OPCML: variants seen among roughly 807,000 people sequenced by gnomAD.
The protein encoded by OPCML is opioid binding protein/cell adhesion molecule like.
A neutral mutation model predicts 37.8 loss-of-function variants in OPCML; 13 were observed. That is an observed-to-expected ratio of 0.34 (90% CI 0.22 to 0.55). OPCML has a LOEUF of 0.55. OPCML is among the 20% of genes least tolerant of loss of function. The pLI is 0.91. For missense variants in OPCML, 341 were observed against 435.6 expected, an observed-to-expected ratio of 0.78 and a Z score of 1.93; for synonymous variants, 176 against 168.8, an observed-to-expected ratio of 1.04 and a Z score of -0.33.
At chr11:133,059,621 A>G (rs1948303263) in intron 1 of OPCML, among the ~76,000 whole-genome samples, 1 of 152,232 alleles carries the variant, frequency 6.6e-6, no homozygotes. Flanking sequence ...AATCTTGAGT[A>G]CACATTTTTA....
chr11:133,092,757 G>A (rs1173140136), intron 1 of OPCML, among the ~76,000 whole-genome samples: 1 of 152,048 alleles, frequency 6.6e-6, no homozygotes, highest in Non-Finnish European at 1.5e-5. Context: ...CTCAAGAGCT[G>A]TTAATTATCT....
rs141791239 is a variant in OPCML, at chr11:133,087,466, G to A, written c.62-144456C>T. On this transcript the variant is annotated intron_variant, in intron 1 of 7. Coordinates refer to ENST00000524381, the MANE Select transcript of OPCML (RefSeq NM_001012393.5). ...CCATCCCCCTTCTAGAAGTCCCCAGGGTCTACTGTTCCCATCTTTATGTCC... is the reference window on the plus strand; with the variant it reads ...CCATCCCCCTTCTAGAAGTCCCCAGAGTCTACTGTTCCCATCTTTATGTCC... Among the ~76,000 whole-genome samples the A allele has an allele frequency of 3.5e-3, 536 of 151,852 alleles. 2 individuals are homozygous for A. The highest frequency in any genetic ancestry group is 0.013 in the African/African-American group (519 of 41,396).
chr11:132,900,261 A>G (rs1944004311), intron 2 of OPCML, among the ~76,000 whole-genome samples: 1 of 152,146 alleles, frequency 6.6e-6, no homozygotes, highest in Non-Finnish European at 1.5e-5. Flanking sequence ...CCAGCCATTC[A>G]ATTAGGCCAG....
intron 2 of OPCML, among the ~76,000 whole-genome samples, chr11:132,886,742 A>G (rs1434578312): frequency 6.6e-6 from 1 of 152,164 alleles, no homozygotes; most frequent in Non-Finnish European, 1.5e-5. Context: ...CTGGTAGAAG[A>G]CCGAAGAGTG....
intron 1 of OPCML, chr11:133,024,441 G>A (rs1265146024): frequency 3.0e-6 from 3 of 984,476 alleles, no homozygotes; most frequent in African/African-American, 3.5e-5. Flanking sequence ...AGCACACACA[G>A]GAAGAAGAGA....
intron 1 of OPCML, among the ~76,000 whole-genome samples, chr11:133,430,603 A>C (rs1418644010): frequency 6.6e-6 from 1 of 152,196 alleles, no homozygotes; most frequent in African/African-American, 2.4e-5. Flanking sequence ...CATAAAATAA[A>C]AGTCATACAT....
At chr11:132,571,666 C>T (rs1047017334) in intron 3 of OPCML, among the ~76,000 whole-genome samples, 13 of 152,174 alleles carry the variant, frequency 8.5e-5, no homozygotes, top group Non-Finnish European at 1.8e-4. Flanking sequence ...TTTAGCCACT[C>T]ATCCATCAGT....
At position 132,538,737 on chromosome 11, in the gene OPCML, T is replaced by C. The variant is rs896525077; in HGVS notation, c.380-9551A>G. Among the ~76,000 whole-genome samples the C allele has an allele frequency of 2.0e-5, 3 of 152,222 alleles. No individual in the cohort carries two copies. In the South Asian group the frequency reaches 6.2e-4, roughly 31 times the overall value. On this transcript the variant is annotated intron_variant, in intron 3 of 7. Transcript: ENST00000524381. The stretch of plus-strand genomic sequence containing the variant: ...TGCATAATGTCTGCTTAACTCCCCA[T>C]TTCTCATTACTTGCCCACTGTTTCC...
At chr11:132,560,870 G>A (rs2096409116) in intron 3 of OPCML, among the ~76,000 whole-genome samples, 1 of 152,174 alleles carries the variant, frequency 6.6e-6, no homozygotes, top group African/African-American at 2.4e-5. Flanking sequence ...TGGGTTGTCT[G>A]TTAACTTTGC....
At chr11:132,610,980 A>G (rs1322614754) in intron 3 of OPCML, among the ~76,000 whole-genome samples, 1 of 152,092 alleles carries the variant, frequency 6.6e-6, no homozygotes, top group Non-Finnish European at 1.5e-5. Flanking sequence ...CTCTCTTCCC[A>G]CTATGCTCAT....
At chr11:132,868,189 T>C (rs931257295) in intron 2 of OPCML, among the ~76,000 whole-genome samples, 1 of 151,972 alleles carries the variant, frequency 6.6e-6, no homozygotes, top group Non-Finnish European at 1.5e-5. Flanking sequence ...CCTTTCCCAA[T>C]TTCTCATAAC....
At chr11:133,335,322 T>A in intron 1 of OPCML, among the ~76,000 whole-genome samples, 1 of 152,232 alleles carries the variant, frequency 6.6e-6, no homozygotes. Flanking sequence ...CTAGATTTCC[T>A]AACTCCAAAT....
intron 4 of OPCML, among the ~76,000 whole-genome samples, chr11:132,485,830 A>G (rs973063300): frequency 6.6e-6 from 1 of 152,184 alleles, no homozygotes; most frequent in African/African-American, 2.4e-5. Flanking sequence ...GTTTCCCTGT[A>G]TAACTATTAT....
At chr11:132,517,163 A>G (rs1013703945) in intron 4 of OPCML, among the ~76,000 whole-genome samples, 1 of 152,164 alleles carries the variant, frequency 6.6e-6, no homozygotes, top group Admixed American at 6.5e-5. Flanking sequence ...TGCCCTCTAC[A>G]TGGCATGTGA....
chr11:133,369,154 G>A (rs546280182), intron 1 of OPCML, among the ~76,000 whole-genome samples: 28 of 152,218 alleles, frequency 1.8e-4, no homozygotes, highest in Middle Eastern at 3.4e-3. Flanking sequence ...TTATTTCCAA[G>A]AAAAGAGAAA....
At chr11:132,497,365 C>G (rs1198141905) in intron 4 of OPCML, among the ~76,000 whole-genome samples, 1 of 141,076 alleles carries the variant, frequency 7.1e-6, no homozygotes, top group Non-Finnish European at 1.5e-5. Flanking sequence ...ACCTATATAA[C>G]AAACCTGCAT....
chr11:132,706,141 A>C (rs987029321), intron 2 of OPCML, among the ~76,000 whole-genome samples: 1 of 152,148 alleles, frequency 6.6e-6, no homozygotes, highest in Non-Finnish European at 1.5e-5. Context: ...GGAACGACCT[A>C]ATACAAGGGG....
chr11:132,620,016 A>G (rs546541967), intron 3 of OPCML, among the ~76,000 whole-genome samples: 3 of 152,306 alleles, frequency 2.0e-5, no homozygotes, highest in East Asian at 3.9e-4. Context: ...AATTTTCTCT[A>G]TGGAAAAATA....
chr11:133,211,789 A>G lies in OPCML; in HGVS notation c.62-268779T>C, dbSNP rs1939371518. On this transcript the variant is annotated intron_variant, in intron 1 of 7. Transcript: ENST00000524381. This position sits in a 1 kb window ranked among gnomAD's most constrained non-coding sequence, Gnocchi z 4.1. Reference sequence around the variant, plus strand: ...ACAACACGCTTTTCACAATTTTTTTAAGTCTTACAACAATCCTAATAAAGT... The same window carrying G: ...ACAACACGCTTTTCACAATTTTTTTGAGTCTTACAACAATCCTAATAAAGT... 6.6e-6 allele frequency among the ~76,000 whole-genome samples: 1 copy of G among 152,308 alleles called. No homozygotes were observed. Among genetic ancestry groups the G allele is most frequent in the East Asian group, 1.9e-4 (1 of 5,184 alleles).
Sources: gnomAD v4.1 joint callset for allele counts (sites outside exome capture counted in the v4.1 genomes callset) on GRCh38, gnomAD v4.1.1 for gene constraint, Gnocchi (gnomAD v3.1) non-coding constraint, MANE v1.5 for transcripts, NCBI Gene and HGNC (gene_info 2026-07-23, HGNC 2026-07-21) for gene names.